The following ABHD17C variants were observed in gnomAD, a reference collection of about 807,000 sequenced individuals.
ABHD17C encodes alpha/beta hydrolase domain-containing protein 17C.
ABHD17C carries 11 observed loss-of-function variants against 27.9 expected under a neutral mutation model. The observed-to-expected ratio is 0.39, with a 90% CI of 0.25 to 0.65. ABHD17C has a LOEUF of 0.65. Among genes scored for constraint, ABHD17C ranks in the 30% least tolerant of loss-of-function variants. The probability of loss-of-function intolerance (pLI) is 0.45; values close to 1 mark genes in which losing one functional copy is unlikely to be tolerated. For missense variants in ABHD17C, 280 were observed against 470.2 expected (o/e 0.60, Z 3.74); for synonymous variants, 233 against 209.1 (o/e 1.11, Z -0.98).
intron 2 of ABHD17C, among the ~76,000 whole-genome samples, chr15:80,753,460 G>A (rs900292587): frequency 4.6e-5 from 7 of 152,190 alleles, no homozygotes; most frequent in African/African-American, 9.6e-5. Context: ...GATGTATCAC[G>A]GTAATGTACA....
intron 1 of ABHD17C, among the ~76,000 whole-genome samples, chr15:80,733,872 G>GT (rs879428405): frequency 6.8e-4 from 103 of 151,400 alleles, no homozygotes; most frequent in Non-Finnish European, 1.4e-3. Context: ...AATATTTAAA[G>GT]TTTTTTTTTC....
intron 1 of ABHD17C, among the ~76,000 whole-genome samples, chr15:80,742,572 A>G (rs1895225332): frequency 6.6e-6 from 1 of 152,226 alleles, no homozygotes. Flanking sequence ...GCACCCTCAC[A>G]GACACACCCA....
chr15:80,718,576 A>T (rs2141500971), intron 1 of ABHD17C, among the ~76,000 whole-genome samples: 1 of 152,200 alleles, frequency 6.6e-6, no homozygotes, highest in African/African-American at 2.4e-5. Context: ...TCAAGTGATC[A>T]TCCCACCTCA....
rs189255584 is a variant in ABHD17C, at chr15:80,719,389, T to G, written c.590+23370T>G. ...TAATGTCCATGAGCTTTATTTCTTC[T>G]TCTGTCCCCTTGCATGAGCACCCGA... On this transcript the variant is annotated intron_variant, in intron 1 of 2. Coordinates refer to ENST00000258884, the MANE Select transcript of ABHD17C (RefSeq NM_021214.2). Among the ~76,000 whole-genome samples, 18 of 152,346 alleles carry G rather than the reference T, an allele frequency of 1.2e-4. No homozygotes were observed. The East Asian group carries it at 2.9e-3, about 24-fold the overall frequency.
chr15:80,714,686 A>C (rs1894779439), intron 1 of ABHD17C, among the ~76,000 whole-genome samples: 2 of 152,166 alleles, frequency 1.3e-5, no homozygotes, highest in African/African-American at 4.8e-5. Flanking sequence ...GTGTGTTTTC[A>C]ATTTCTGTGG....
chr15:80,710,477 G>A (rs961584772), intron 1 of ABHD17C, among the ~76,000 whole-genome samples: 1 of 152,170 alleles, frequency 6.6e-6, no homozygotes, highest in Non-Finnish European at 1.5e-5. Context: ...TGGAGGAGCT[G>A]ATATGTCGAG....
At chr15:80,714,903 C>G (rs550859564) in intron 1 of ABHD17C, among the ~76,000 whole-genome samples, 6 of 152,152 alleles carry the variant, frequency 3.9e-5, no homozygotes, top group Non-Finnish European at 8.8e-5. Context: ...TGCAGTCTTT[C>G]AACAAATTGA....
In ABHD17C at chr15:80,752,485, A is replaced by C. The variant is rs570225844; in HGVS notation, c.771-1666A>C. 2.6e-5 allele frequency among the ~76,000 whole-genome samples: 4 copies of C among 152,326 alleles called. No homozygotes were observed. The East Asian group carries it at 5.8e-4, about 22-fold the overall frequency. On this transcript the variant is annotated intron_variant, in intron 2 of 2. Transcript: ENST00000258884. ...CACGACCTCATTCCTGTTATTTAAT[A>C]ATCTCTCTGAGCTTCAGTTTCCTCC...
chr15:80,718,884 A>C (rs1894847937), intron 1 of ABHD17C, among the ~76,000 whole-genome samples: 1 of 152,176 alleles, frequency 6.6e-6, no homozygotes, highest in African/African-American at 2.4e-5. Flanking sequence ...TAACTTTGTC[A>C]GTCAGTCTGA....
intron 1 of ABHD17C, among the ~76,000 whole-genome samples, chr15:80,731,265 G>A (rs908347851): frequency 1.3e-5 from 2 of 152,228 alleles, no homozygotes; most frequent in Admixed American, 1.3e-4. Context: ...TCAAATGAAA[G>A]GTACTGCTAA....
At chr15:80,706,465 A>G (rs1229623637) in intron 1 of ABHD17C, among the ~76,000 whole-genome samples, 1 of 152,246 alleles carries the variant, frequency 6.6e-6, no homozygotes, top group Non-Finnish European at 1.5e-5. Flanking sequence ...ACGAGCGTAG[A>G]GAACCGCCAG....
At chr15:80,731,720 AT>A (rs1895060003) in intron 1 of ABHD17C, among the ~76,000 whole-genome samples, 1 of 152,082 alleles carries the variant, frequency 6.6e-6, no homozygotes, top group South Asian at 2.1e-4. Flanking sequence ...TAAAAGACAA[AT>A]TTTACTGTTT....
chr15:80,724,587 GA>G (rs1250033857), intron 1 of ABHD17C, among the ~76,000 whole-genome samples: 5 of 152,030 alleles, frequency 3.3e-5, no homozygotes, highest in African/African-American at 1.2e-4. Context: ...AAATAAGGCT[GA>G]AAAAATATAA....
rs1895341015 is a variant in ABHD17C at position 80,749,701 on chromosome 15, A to G, written c.770+9A>G. 3.7e-6 allele frequency: 6 copies of G among 1,613,040 alleles called. No homozygotes were observed. The highest frequency in any genetic ancestry group is 4.2e-6 in the Non-Finnish European group (5 of 1,179,156). On this transcript the variant is annotated intron_variant, in intron 2 of 2. Coordinates refer to ENST00000258884, the MANE Select transcript of ABHD17C (RefSeq NM_021214.2). ...TTTGATGCTTTCCCCAGGTAAGTTC[A>G]TGCTTGTCCAACAAGTGGTAAGTCA...
At chr15:80,706,702 A>G (rs748183981) in intron 1 of ABHD17C, among the ~76,000 whole-genome samples, 3 of 152,222 alleles carry the variant, frequency 2.0e-5, no homozygotes, top group Admixed American at 6.5e-5. Context: ...GGAGACTGTC[A>G]TGGACATAAC....
At chr15:80,711,280 C>G (rs1894725532) in intron 1 of ABHD17C, among the ~76,000 whole-genome samples, 1 of 152,148 alleles carries the variant, frequency 6.6e-6, no homozygotes, top group South Asian at 2.1e-4. Flanking sequence ...AGTGACAGGT[C>G]TCTGTAGGAG....
chr15:80,696,988 A>T (rs1894504178), intron 1 of ABHD17C, among the ~76,000 whole-genome samples: 1 of 152,224 alleles, frequency 6.6e-6, no homozygotes, highest in South Asian at 2.1e-4. Context: ...ATTTCTTCAG[A>T]TGAAAGAGTC....
intron 1 of ABHD17C, among the ~76,000 whole-genome samples, chr15:80,698,518 T>G (rs1041121018): frequency 6.6e-6 from 1 of 152,226 alleles, no homozygotes; most frequent in Admixed American, 6.5e-5. Flanking sequence ...ACTACCAGTT[T>G]AGTACTCTTG....
At chr15:80,727,024 T>C (rs561441316) in intron 1 of ABHD17C, among the ~76,000 whole-genome samples, 6 of 152,360 alleles carry the variant, frequency 3.9e-5, no homozygotes, top group African/African-American at 1.4e-4. Context: ...AGAGGTCATA[T>C]ATAGCTGTAT....
Sources: gnomAD v4.1 joint callset for allele counts (sites outside exome capture counted in the v4.1 genomes callset) on GRCh38, gnomAD v4.1.1 for gene constraint, MANE v1.5 for transcripts, NCBI Gene and HGNC (gene_info 2026-07-23, HGNC 2026-07-21) for gene names.